TTYH3: variants seen among roughly 807,000 people sequenced by gnomAD.
TTYH3 encodes the protein tweety family member 3.
A neutral mutation model predicts 68.2 loss-of-function variants in TTYH3; 23 were observed. The ratio of observed to expected loss-of-function variants is 0.34; its 90% CI spans 0.24 to 0.48. The LOEUF (loss-of-function observed/expected upper bound fraction) is 0.48, where lower values mean the gene tolerates loss of function less well. Among genes scored for constraint, TTYH3 ranks in the 20% least tolerant of loss-of-function variants. The pLI is 0.99. For synonymous variants in TTYH3, 360 were observed against 332.8 expected (o/e 1.08, Z -0.89); for missense variants, 768 against 727.7 (o/e 1.06, Z -0.64).
intron 7 of TTYH3, among the ~76,000 whole-genome samples, chr7:2,651,723 AT>A (rs1786182416): frequency 6.6e-6 from 1 of 152,010 alleles, no homozygotes; most frequent in African/African-American, 2.4e-5. Context: ...TACTTTCATC[AT>A]TTTTTGAACT....
chr7:2,634,103 G>T (rs977185226), intron 1 of TTYH3, among the ~76,000 whole-genome samples: 1 of 152,218 alleles, frequency 6.6e-6, no homozygotes, highest in Non-Finnish European at 1.5e-5. Context: ...CATCTCCACA[G>T]AGCAGAATTA....
chr7:2,634,170 A>C (rs529115248), intron 1 of TTYH3, among the ~76,000 whole-genome samples: 3 of 151,768 alleles, frequency 2.0e-5, no homozygotes, highest in South Asian at 4.2e-4. Flanking sequence ...CGCCGCCTCC[A>C]CTCCCGGCTC....
chr7:2,647,886 T>A (rs1786044056), intron 4 of TTYH3, 73 bp from the exon 5 acceptor site: 1 of 1,553,520 alleles, frequency 6.4e-7, no homozygotes, highest in Admixed American at 1.7e-5. Context: ...CAGCTCCCCC[T>A]CAAGGGCCCC....
rs1297719729 is a variant in TTYH3, at chr7:2,645,121, C to T, written c.124-1732C>T. Among the ~76,000 whole-genome samples, 1 of 102 alleles carries T rather than the reference C, an allele frequency of 9.8e-3. No homozygotes were observed. Among genetic ancestry groups the T allele is most frequent in the Non-Finnish European group, 0.025 (1 of 40 alleles). 0.1% of individuals were successfully genotyped at this position (102 alleles called of 152,430 possible). Reference sequence around the variant, plus strand: ...ACACTGAGGGCCCCAGCTGCTGACACCCCCCAGGGCACCCCCAAGTTAGCC... The same window carrying T: ...ACACTGAGGGCCCCAGCTGCTGACATCCCCCAGGGCACCCCCAAGTTAGCC... On this transcript the variant is annotated intron_variant, in intron 1 of 13. Coordinates refer to ENST00000258796, the MANE Select transcript of TTYH3 (RefSeq NM_025250.3). This position sits in a 1 kb window ranked among gnomAD's most constrained non-coding sequence, Gnocchi z 4.8.
intron 1 of TTYH3, among the ~76,000 whole-genome samples, chr7:2,634,370 A>G (rs1265276925): frequency 6.6e-6 from 1 of 152,120 alleles, no homozygotes; most frequent in African/African-American, 2.4e-5. Flanking sequence ...TCCTGGGAGA[A>G]TGGGCAGTGG....
chr7:2,660,837 C>T (rs75844578), intron 13 of TTYH3, among the ~76,000 whole-genome samples: 2 of 152,210 alleles, frequency 1.3e-5, no homozygotes, highest in African/African-American at 2.4e-5. Flanking sequence ...TGACACGTGC[C>T]AGGCCTGTGG....
At chr7:2,642,206 G>A (rs1785865044) in intron 1 of TTYH3, among the ~76,000 whole-genome samples, 1 of 152,150 alleles carries the variant, frequency 6.6e-6, no homozygotes, top group South Asian at 2.1e-4. Flanking sequence ...ACCAGCCTGG[G>A]CAACATAGCC....
At chr7:2,654,220 C>T (rs1483432632) in intron 9 of TTYH3, among the ~76,000 whole-genome samples, 1 of 152,154 alleles carries the variant, frequency 6.6e-6, no homozygotes, top group African/African-American at 2.4e-5. Flanking sequence ...CATAGCAAGA[C>T]CCCATTCTAC....
intron 5 of TTYH3, among the ~76,000 whole-genome samples, 174 bp from the exon 6 acceptor site, chr7:2,649,393 C>T (rs1002627587): frequency 1.3e-5 from 2 of 152,156 alleles, no homozygotes; most frequent in African/African-American, 2.4e-5. Flanking sequence ...AGGGATCCAT[C>T]TGGGCCCTGG....
chr7:2,649,859 T>G, intron 6 of TTYH3, 54 bp from the exon 7 acceptor site: 1 of 1,601,050 alleles, frequency 6.2e-7, no homozygotes, highest in South Asian at 1.1e-5. Flanking sequence ...CCCCGAGAGC[T>G]TCCCTTTAGG....
rs1469986032 is a variant in TTYH3 at position 2,663,240 on chromosome 7, C to T, written c.*1501C>T. ...CACGTGCAGGGGTCAAGGCTGGGCC[C>T]TGCAGTGGGGCGGGCCGCCAGCCCC... On this transcript the variant is annotated 3_prime_UTR_variant, in exon 14 of 14. Coordinates refer to ENST00000258796, the MANE Select transcript of TTYH3 (RefSeq NM_025250.3). 6.6e-6 allele frequency: 1 copy of T among 152,604 alleles called. No homozygotes were observed. Among genetic ancestry groups the T allele is most frequent in the Non-Finnish European group, 1.5e-5 (1 of 68,140 alleles). The allele number at this position is 152,604 out of a possible 1,614,324, so 9.5% of individuals were successfully genotyped here.
In TTYH3 at chr7:2,656,116, G is replaced by A. The variant is rs142924267; in HGVS notation, c.1045G>A (p.Val349Met). 9.0e-4 allele frequency: 1,400 copies of A among 1,563,762 alleles called. 3 individuals carry two copies. Among genetic ancestry groups the A allele is most frequent in the Middle Eastern group, 1.5e-3 (9 of 5,984 alleles). Residue 349 changes from valine to methionine, a missense_variant, in exon 10 of 14, where the codon GTG (valine) becomes ATG (methionine). Physicochemically the swap from Val to Met is conservative, Grantham distance 21. Transcript: ENST00000258796. Reference protein sequence around the residue: ...TKDPLLRVQEVLNGTEVNLQH... With the variant: ...TKDPLLRVQEMLNGTEVNLQH... ...GGACCCCCTCCTCCGCGTCCAGGAG[G>A]TGCTGAATGGCACGGAGGTGAACCT...
chr7:2,645,033 G>A lies in TTYH3; in HGVS notation c.124-1820G>A, dbSNP rs1785943765. 6.6e-6 allele frequency among the ~76,000 whole-genome samples: 1 copy of A among 152,248 alleles called. No individual in the cohort carries two copies. Among genetic ancestry groups the A allele is most frequent in the South Asian group, 2.1e-4 (1 of 4,830 alleles). Reference sequence around the variant, plus strand: ...GCTGAAGCATTGAGATGTGGGGAGAGAGGCGTTTCTCTGCAGTAGTGCCAA... The same window carrying A: ...GCTGAAGCATTGAGATGTGGGGAGAAAGGCGTTTCTCTGCAGTAGTGCCAA... On this transcript the variant is annotated intron_variant, in intron 1 of 13. Coordinates refer to ENST00000258796, the MANE Select transcript of TTYH3 (RefSeq NM_025250.3). The surrounding 1 kb of genome is among the most constrained non-coding windows in gnomAD (Gnocchi z 4.8).
chr7:2,652,544 T>C (rs1206573547), intron 8 of TTYH3, among the ~76,000 whole-genome samples: 3 of 152,192 alleles, frequency 2.0e-5, no homozygotes, highest in Non-Finnish European at 4.4e-5. Flanking sequence ...GGGATGCCTC[T>C]GTAGGGTAAC....
chr7:2,658,406 C>A lies in TTYH3; in HGVS notation c.1371C>A (p.Thr457=). ...GTGGCAGCAGCTACGGCAGTGAGAC[C>A]AGCATCCCGGCCGCGGCCCACACCG... ...YSCGSSYGSE[T]SIPAAAHTVS... The change falls in exon 12 of 14, where the codon ACC becomes ACA. Residue 457 remains threonine, a synonymous_variant. Coordinates refer to ENST00000258796, the MANE Select transcript of TTYH3 (RefSeq NM_025250.3). 1.9e-6 allele frequency: 3 copies of A among 1,612,318 alleles called. No individual in the cohort carries two copies. The highest frequency in any genetic ancestry group is 2.5e-6 in the Non-Finnish European group (3 of 1,179,748).
intron 7 of TTYH3, among the ~76,000 whole-genome samples, chr7:2,651,456 G>A (rs967901383): frequency 2.0e-5 from 3 of 152,204 alleles, no homozygotes; most frequent in Admixed American, 1.3e-4. Context: ...GCTGGTGACC[G>A]CTCAGTGCTA....
At chr7:2,644,942 G>A (rs754917333) in intron 1 of TTYH3, among the ~76,000 whole-genome samples, 4 of 152,260 alleles carry the variant, frequency 2.6e-5, no homozygotes, top group East Asian at 1.9e-4. Flanking sequence ...CATCCCAAGG[G>A]GGGGCCAGGC....
At position 2,647,946 on chromosome 7, in the gene TTYH3, G is replaced by C; in HGVS notation, c.627-13G>C. On this transcript the variant is annotated splice_polypyrimidine_tract_variant and intron_variant, in intron 4 of 13. Coordinates refer to ENST00000258796, the MANE Select transcript of TTYH3 (RefSeq NM_025250.3). ...GTCCCTGTGCCCTGGCGCACTCCCAGGTTTGCCTGCAGGTGGCTGGGCTAC... is the reference window on the plus strand; with the variant it reads ...GTCCCTGTGCCCTGGCGCACTCCCACGTTTGCCTGCAGGTGGCTGGGCTAC... 1 of 1,605,686 alleles carries C rather than the reference G, an allele frequency of 6.2e-7. No individual in the cohort carries two copies. Among genetic ancestry groups the C allele is most frequent in the Non-Finnish European group, 8.5e-7 (1 of 1,179,826 alleles).
At chr7:2,643,312 G>A (rs560779393) in intron 1 of TTYH3, among the ~76,000 whole-genome samples, 31 of 143,102 alleles carry the variant, frequency 2.2e-4, no homozygotes, top group Admixed American at 5.0e-4. Context: ...CTGAGATGGC[G>A]CCACTGCACT....
Sources: allele counts gnomAD v4.1 joint callset (sites outside exome capture counted in the v4.1 genomes callset), GRCh38; gene constraint gnomAD v4.1.1; non-coding constraint Gnocchi (gnomAD v3.1); transcripts MANE v1.5; gene names NCBI Gene and HGNC (gene_info 2026-07-23, HGNC 2026-07-21).